Variants in DRC11 observed in about 807,000 individuals in gnomAD.
DRC11 encodes IQ and AAA domain-containing protein 1.
chr2:236,453,598 C>A, the DRC11 span, among the ~76,000 whole-genome samples: 1 of 152,110 alleles, frequency 6.6e-6, no homozygotes, highest in Non-Finnish European at 1.5e-5. This position sits in a 1 kb window ranked among gnomAD's most constrained non-coding sequence, Gnocchi z 4.9. Context: ...AGCAGAGATG[C>A]AGTAGATTTG....
chr2:236,327,814 C>A, the DRC11 span, among the ~76,000 whole-genome samples: 1 of 152,132 alleles, frequency 6.6e-6, no homozygotes, highest in Non-Finnish European at 1.5e-5. Context: ...TCCGGAGTAG[C>A]TGGGATTACA....
At chr2:236,357,089 T>TATATATTCGTATATTATATCTATATA in the DRC11 span, among the ~76,000 whole-genome samples, 2 of 56,994 alleles carry the variant, frequency 3.5e-5, no homozygotes, top group African/African-American at 1.5e-4. Flanking sequence ...ATCTATATAT[T>TATATATTCGTATATTATATCTATATA]TTATATATTC....
At chr2:236,347,648 G>A in the DRC11 span, among the ~76,000 whole-genome samples, 8 of 151,680 alleles carry the variant, frequency 5.3e-5, no homozygotes, top group Non-Finnish European at 7.4e-5. Flanking sequence ...AACATCGTAC[G>A]TTCTCACTAG....
At chr2:236,382,957 T>C in the DRC11 span, among the ~76,000 whole-genome samples, 1 of 152,172 alleles carries the variant, frequency 6.6e-6, no homozygotes, top group African/African-American at 2.4e-5. Flanking sequence ...TAATTTTCCA[T>C]ATTAACATCT....
chr2:236,352,288 G>A, the DRC11 span, among the ~76,000 whole-genome samples: 1 of 152,128 alleles, frequency 6.6e-6, no homozygotes, highest in South Asian at 2.1e-4. This position sits in a 1 kb window ranked among gnomAD's most constrained non-coding sequence, Gnocchi z 7.0. Flanking sequence ...AGGGAACAGA[G>A]CCAGGTGACA....
the DRC11 span, among the ~76,000 whole-genome samples, chr2:236,374,303 T>C: frequency 6.6e-6 from 1 of 152,112 alleles, no homozygotes; most frequent in Non-Finnish European, 1.5e-5. Flanking sequence ...CTAAGGACCT[T>C]AACTGGGAAA....
chr2:236,436,766 C>A, the DRC11 span, among the ~76,000 whole-genome samples: 1 of 152,100 alleles, frequency 6.6e-6, no homozygotes, highest in African/African-American at 2.4e-5. Flanking sequence ...AATGAGTTGA[C>A]TTATATAAAG....
At chr2:236,326,056 C>T in the DRC11 span, among the ~76,000 whole-genome samples, 1 of 152,296 alleles carries the variant, frequency 6.6e-6, no homozygotes, top group African/African-American at 2.4e-5. Context: ...TGTCTGATTT[C>T]CCAATTGTTT....
the DRC11 span, chr2:236,408,031 A>T: frequency 3.5e-6 from 2 of 569,396 alleles, no homozygotes; most frequent in South Asian, 1.4e-5. This position sits in a 1 kb window ranked among gnomAD's most constrained non-coding sequence, Gnocchi z 5.5. Context: ...AGACTTGTGG[A>T]GGGTGAGCAC....
At chr2:236,341,919 G>A in the DRC11 span, among the ~76,000 whole-genome samples, 2 of 152,158 alleles carry the variant, frequency 1.3e-5, no homozygotes, top group Non-Finnish European at 2.9e-5. Flanking sequence ...ATTGTGCTTG[G>A]GAAAGAGGAG....
the DRC11 span, among the ~76,000 whole-genome samples, chr2:236,433,796 A>G: frequency 6.6e-6 from 1 of 152,246 alleles, no homozygotes; most frequent in African/African-American, 2.4e-5. Flanking sequence ...ATGGTAAATA[A>G]TAGTGGTGAT....
At chr2:236,424,412 G>A in the DRC11 span, among the ~76,000 whole-genome samples, 1 of 151,870 alleles carries the variant, frequency 6.6e-6, no homozygotes, top group African/African-American at 2.4e-5. Flanking sequence ...CATTTTCATG[G>A]TTCACAATTC....
At chr2:236,331,787 G>T in the DRC11 span, 1 of 588,256 alleles carries the variant, frequency 1.7e-6, no homozygotes, top group Non-Finnish European at 3.0e-6. This position sits in a 1 kb window ranked among gnomAD's most constrained non-coding sequence, Gnocchi z 4.8. Flanking sequence ...TCAACCATAA[G>T]CCATACATAT....
the DRC11 span, among the ~76,000 whole-genome samples, chr2:236,372,216 A>T: frequency 6.6e-6 from 1 of 152,296 alleles, no homozygotes; most frequent in East Asian, 1.9e-4. This position sits in a 1 kb window ranked among gnomAD's most constrained non-coding sequence, Gnocchi z 4.5. Context: ...TTCTATCTAT[A>T]GCATTCTGTT....
chr2:236,316,450 A>G, the DRC11 span, among the ~76,000 whole-genome samples: 1 of 152,204 alleles, frequency 6.6e-6, no homozygotes, highest in South Asian at 2.1e-4. This position sits in a 1 kb window ranked among gnomAD's most constrained non-coding sequence, Gnocchi z 6.8. Flanking sequence ...GGCATGAGCC[A>G]CCGCAAGAAC....
At chr2:236,387,529 A>C in the DRC11 span, among the ~76,000 whole-genome samples, 2 of 151,854 alleles carry the variant, frequency 1.3e-5, no homozygotes, top group African/African-American at 4.8e-5. Flanking sequence ...ATCTTCCTCC[A>C]TCCTTTTATT....
At chr2:236,490,764 A>G in the DRC11 span, among the ~76,000 whole-genome samples, 1 of 151,856 alleles carries the variant, frequency 6.6e-6, no homozygotes, top group Non-Finnish European at 1.5e-5. This position sits in a 1 kb window ranked among gnomAD's most constrained non-coding sequence, Gnocchi z 5.5. Context: ...TCATGCATCA[A>G]AATTCTTCTT....
At chr2:236,318,652 ATG>A in the DRC11 span, among the ~76,000 whole-genome samples, 10 of 151,816 alleles carry the variant, frequency 6.6e-5, no homozygotes, top group African/African-American at 1.5e-4. This position sits in a 1 kb window ranked among gnomAD's most constrained non-coding sequence, Gnocchi z 7.0. Flanking sequence ...GTATGTGTGC[ATG>A]TGTTTGTGTA....
chr2:236,387,154 A>G, the DRC11 span, among the ~76,000 whole-genome samples: 13 of 150,408 alleles, frequency 8.6e-5, no homozygotes, highest in Admixed American at 8.6e-4. Context: ...TTTGGGGTGG[A>G]GAGTTCTGTA....
Sources: gnomAD v4.1 joint callset for allele counts (sites outside exome capture counted in the v4.1 genomes callset) on GRCh38, gnomAD v4.1.1 for gene constraint, Gnocchi (gnomAD v3.1) non-coding constraint, MANE v1.5 for transcripts, NCBI Gene and HGNC (gene_info 2026-07-23, HGNC 2026-07-21) for gene names.